Variants in VPS26A observed in about 807,000 individuals in gnomAD.
VPS26A encodes vacuolar protein sorting-associated protein 26A.
A neutral mutation model predicts 42.4 loss-of-function variants in VPS26A; 22 were observed. The observed-to-expected ratio is 0.52, with a 90% CI of 0.37 to 0.74. VPS26A has a LOEUF of 0.74. VPS26A is among the 30% of genes least tolerant of loss of function. The pLI is 0.00. For synonymous variants in VPS26A, 110 were observed against 123.5 expected (o/e 0.89, Z 0.73); for missense variants, 276 against 379.2 (o/e 0.73, Z 2.26).
chr10:69,158,390 T>A (rs1413633557), intron 5 of VPS26A, among the ~76,000 whole-genome samples, 179 bp downstream of exon 5: 1 of 152,140 alleles, frequency 6.6e-6, no homozygotes, highest in Non-Finnish European at 1.5e-5. Flanking sequence ...AGTAAAGGTG[T>A]CTTTTATGTT....
intron 1 of VPS26A, among the ~76,000 whole-genome samples, chr10:69,127,893 T>A (rs563649928): frequency 6.6e-6 from 1 of 152,086 alleles, no homozygotes; most frequent in African/African-American, 2.4e-5. Flanking sequence ...TATGGGGGTC[T>A]AGCTGTATTG....
chr10:69,132,431 G>GTTTTTTTT, intron 1 of VPS26A, among the ~76,000 whole-genome samples: 1 of 141,238 alleles, frequency 7.1e-6, no homozygotes, highest in Non-Finnish European at 1.5e-5. Context: ...TTTTGATGTA[G>GTTTTTTTT]TTTTTTTTTT....
chr10:69,129,288 C>T (rs1427639735), intron 1 of VPS26A, among the ~76,000 whole-genome samples: 2 of 152,122 alleles, frequency 1.3e-5, no homozygotes, highest in Non-Finnish European at 2.9e-5. Context: ...TGATTTTAAG[C>T]TGCTATACAT....
At chr10:69,154,708 T>G (rs543181844) in intron 2 of VPS26A, among the ~76,000 whole-genome samples, 1 of 151,644 alleles carries the variant, frequency 6.6e-6, no homozygotes, top group South Asian at 2.1e-4. Flanking sequence ...ACAAAAAAAA[T>G]TTTTTTAATT....
chr10:69,127,320 G>A (rs1435253205), intron 1 of VPS26A, among the ~76,000 whole-genome samples: 2 of 150,992 alleles, frequency 1.3e-5, no homozygotes, highest in Non-Finnish European at 1.5e-5. Flanking sequence ...TTGGGAGGCC[G>A]AGGCGGGCGG....
rs1318732499 is a variant in VPS26A, at chr10:69,174,307, T to C, written c.*3038T>C. Among the ~76,000 whole-genome samples, 1 of 152,212 alleles carries C rather than the reference T, an allele frequency of 6.6e-6. No individual in the cohort carries two copies. The highest frequency in any genetic ancestry group is 2.4e-5 in the African/African-American group (1 of 41,446). Reference sequence around the variant, plus strand: ...ATTTGAAATTACACTGAGGTGATCATGCCACTGCACTGTAGCTTGGGTGAC... The same window carrying C: ...ATTTGAAATTACACTGAGGTGATCACGCCACTGCACTGTAGCTTGGGTGAC... On this transcript the variant is annotated 3_prime_UTR_variant, in exon 9 of 9. Transcript: ENST00000263559.
At chr10:69,128,867 A>G (rs1840714775) in intron 1 of VPS26A, among the ~76,000 whole-genome samples, 2 of 151,814 alleles carry the variant, frequency 1.3e-5, no homozygotes, top group African/African-American at 4.8e-5. Flanking sequence ...GTTGTGGCTC[A>G]CGCCTGTAGT....
chr10:69,158,356 A>G (rs1214634207), intron 5 of VPS26A, 145 bp downstream of exon 5: 2 of 718,836 alleles, frequency 2.8e-6, no homozygotes, highest in African/African-American at 1.9e-5. Context: ...AAGAAATTTT[A>G]GGAGTTTGGT....
intron 2 of VPS26A, among the ~76,000 whole-genome samples, chr10:69,146,683 T>G (rs983909232): frequency 2.6e-5 from 4 of 152,244 alleles, no homozygotes; most frequent in African/African-American, 9.6e-5. Context: ...CTTTTGTGCC[T>G]GACTTATTTC....
At chr10:69,138,760 T>A (rs1460842908) in intron 2 of VPS26A, among the ~76,000 whole-genome samples, 3 of 152,222 alleles carry the variant, frequency 2.0e-5, no homozygotes, top group Non-Finnish European at 4.4e-5. Context: ...TTATGTTACA[T>A]GTATATCTCC....
At chr10:69,127,030 C>T (rs1840670742) in intron 1 of VPS26A, among the ~76,000 whole-genome samples, 1 of 150,446 alleles carries the variant, frequency 6.6e-6, no homozygotes, top group African/African-American at 2.4e-5. Context: ...GCGATCTTGG[C>T]TCACTGCAAC....
chr10:69,165,393 C>G (rs1589364883), intron 6 of VPS26A, among the ~76,000 whole-genome samples: 1 of 152,148 alleles, frequency 6.6e-6, no homozygotes, highest in South Asian at 2.1e-4. Context: ...GTCCTGAGAA[C>G]ATGTACCCCC....
intron 2 of VPS26A, among the ~76,000 whole-genome samples, chr10:69,146,717 T>C (rs2132210974): frequency 6.6e-6 from 1 of 152,374 alleles, no homozygotes; most frequent in Middle Eastern, 3.4e-3. Context: ...TCAGGGTTCA[T>C]CCATGTTATT....
Position 69,134,906 on chromosome 10 carries a change from A to G in VPS26A, c.153+1859A>G, listed in dbSNP as rs371700344. ...CCAGGAATTCAAGACCAGCTTGGGC[A>G]ACATGGGGAGACCCTGTATCTATTT... On this transcript the variant is annotated intron_variant, in intron 2 of 8. Transcript: ENST00000263559. 3.3e-5 allele frequency among the ~76,000 whole-genome samples: 5 copies of G among 152,256 alleles called. No homozygotes were observed. The East Asian group carries it at 7.7e-4, about 23-fold the overall frequency.
At chr10:69,143,618 T>C (rs1341716549) in intron 2 of VPS26A, among the ~76,000 whole-genome samples, 1 of 152,228 alleles carries the variant, frequency 6.6e-6, no homozygotes, top group Non-Finnish European at 1.5e-5. Flanking sequence ...TTGTTTATCC[T>C]GTCTTCTCTA....
intron 2 of VPS26A, among the ~76,000 whole-genome samples, chr10:69,148,754 ATT>A (rs34136399): frequency 0.21 from 27,685 of 133,070 alleles, 2,240 homozygotes; most frequent in African/African-American, 0.23. Context: ...AGCAGAGAGT[ATT>A]TTTTTTTTTT....
intron 5 of VPS26A, among the ~76,000 whole-genome samples, chr10:69,159,468 C>CG (rs1841505314): frequency 6.6e-6 from 1 of 151,824 alleles, no homozygotes; most frequent in African/African-American, 2.4e-5. Context: ...AAAATTTAGC[C>CG]ATAAAAACAG....
rs769564215 is a variant in VPS26A at position 69,162,493 on chromosome 10, A to G, written c.639A>G (p.Lys213=). 1.3e-6 allele frequency: 2 copies of G among 1,555,968 alleles called. No homozygotes were observed. The highest frequency in any genetic ancestry group is 1.8e-6 in the Non-Finnish European group (2 of 1,141,494). Reference sequence around the variant, plus strand: ...AACATATGGAGTTACAGCTGATCAAAAAAGAGATCACAGGAATTGGTAAGT... The same window carrying G: ...AACATATGGAGTTACAGCTGATCAAGAAAGAGATCACAGGAATTGGTAAGT... ...KIQHMELQLI[K]KEITGIGPST... Residue 213 remains lysine, a synonymous_variant, in exon 6 of 9, where the codon AAA becomes AAG. Transcript: ENST00000263559.
At chr10:69,149,049 C>A (rs1841229698) in intron 2 of VPS26A, among the ~76,000 whole-genome samples, 1 of 152,142 alleles carries the variant, frequency 6.6e-6, no homozygotes, top group Non-Finnish European at 1.5e-5. Flanking sequence ...AGCCACCGCG[C>A]CCAGCCAAGA....
Sources: gnomAD v4.1 joint callset for allele counts (sites outside exome capture counted in the v4.1 genomes callset) on GRCh38, gnomAD v4.1.1 for gene constraint, MANE v1.5 for transcripts, NCBI Gene and HGNC (gene_info 2026-07-23, HGNC 2026-07-21) for gene names.